Variants in TRIOBP observed in about 807,000 individuals in gnomAD.
TRIOBP encodes TRIO and F-actin-binding protein.
A neutral mutation model predicts 238.8 loss-of-function variants in TRIOBP; 169 were observed. The ratio of observed to expected loss-of-function variants is 0.71; its 90% CI spans 0.62 to 0.80. TRIOBP has a LOEUF of 0.80. Among genes scored for constraint, TRIOBP ranks in the 30% least tolerant of loss-of-function variants. The pLI is 0.00. For missense variants in TRIOBP, 2,838 were observed against 3,122.6 expected (o/e 0.91, Z 2.17); for synonymous variants, 1,150 against 1,274.4 (o/e 0.90, Z 2.08).
At chr22:37,759,487 C>G in intron 17 of TRIOBP, 1 of 1,601,754 alleles carries the variant, frequency 6.2e-7, no homozygotes, top group Non-Finnish European at 8.5e-7. Flanking sequence ...TGTGACTTGC[C>G]CAAGGTCACC....
intron 11 of TRIOBP, among the ~76,000 whole-genome samples, chr22:37,749,438 C>T (rs555862331): frequency 6.6e-6 from 1 of 152,074 alleles, no homozygotes; most frequent in African/African-American, 2.4e-5. Context: ...CCCGCCAGCC[C>T]GAGGGTGTGT....
Position 37,733,399 on chromosome 22 carries a change from C to A in TRIOBP, c.4049C>A (p.Ala1350Asp). 6.4e-7 allele frequency: 1 copy of A among 1,550,606 alleles called. No homozygotes were observed. The highest frequency in any genetic ancestry group is 1.2e-5 in the South Asian group (1 of 84,080). Residue 1350 changes from alanine (A) to aspartate (D), a missense_variant, in exon 8 of 24, where the codon GCC (alanine) becomes GAC (aspartate). This residue lies in a region of TRIOBP where 2,096 missense variants were observed against 2,137.4 expected (regional missense o/e 0.98). Transcript: ENST00000644935. ...CTTCTCCGAAGACAGTCCAGCCCTG[C>A]CCCCAGCAGGCAGGTGAGCACTGCC... The part of the protein sequence containing the change: ...SQLLRRQSSP[A>D]PSRQVTMLPA...
At chr22:37,706,821 T>C (rs1922965400) in intron 3 of TRIOBP, among the ~76,000 whole-genome samples, 1 of 151,862 alleles carries the variant, frequency 6.6e-6, no homozygotes, top group Non-Finnish European at 1.5e-5. Flanking sequence ...TCCTCCACTT[T>C]CTTGAGCTTC....
At chr22:37,745,986 G>A (rs1440505925) in intron 11 of TRIOBP, among the ~76,000 whole-genome samples, 2 of 149,028 alleles carry the variant, frequency 1.3e-5, no homozygotes, top group Non-Finnish European at 3.0e-5. Context: ...CCCGCGGCCC[G>A]GGCCCGCCCG....
intron 13 of TRIOBP, 44 bp downstream of exon 13, chr22:37,755,028 G>A: frequency 1.9e-6 from 3 of 1,611,768 alleles, no homozygotes; most frequent in Non-Finnish European, 2.5e-6. Context: ...AGGGCCTGGG[G>A]TGGCCTGGCT....
intron 21 of TRIOBP, among the ~76,000 whole-genome samples, chr22:37,769,602 A>G (rs1440942246): frequency 2.6e-5 from 4 of 151,962 alleles, no homozygotes; most frequent in African/African-American, 9.7e-5. Flanking sequence ...AAATCACTCC[A>G]CTTTTCTGAG....
At position 37,726,631 on chromosome 22, in the gene TRIOBP, C is replaced by T. The variant is rs988564727; in HGVS notation, c.3947+128C>T. Reference sequence around the variant, plus strand: ...GCTTGCCATTTACCGGCTGTGTGACCTTGGGCAAATCGCTCCATTTCTCTG... The same window carrying T: ...GCTTGCCATTTACCGGCTGTGTGACTTTGGGCAAATCGCTCCATTTCTCTG... On this transcript the variant is annotated intron_variant, in intron 7 of 23. Coordinates refer to ENST00000644935, the MANE Select transcript of TRIOBP (RefSeq NM_001039141.3). The T allele has an allele frequency of 6.0e-6, 6 of 1,004,392 alleles. No individual in the cohort carries two copies. The East Asian group carries it at 1.5e-4, about 25-fold the overall frequency. The allele number at this position is 1,004,392 out of a possible 1,614,324, so 62.2% of individuals were successfully genotyped here.
chr22:37,746,020 C>T (rs1925214389), intron 11 of TRIOBP, among the ~76,000 whole-genome samples: 1 of 138,662 alleles, frequency 7.2e-6, no homozygotes, highest in Admixed American at 7.2e-5. Context: ...ACCGCCCTCC[C>T]TTCCCTGCGG....
At chr22:37,744,508 A>T (rs1261623190) in intron 11 of TRIOBP, among the ~76,000 whole-genome samples, 13 of 152,162 alleles carry the variant, frequency 8.5e-5, no homozygotes, top group Non-Finnish European at 7.4e-5. Flanking sequence ...AACTTTGAGC[A>T]GGGAAGTGGT....
chr22:37,711,596 CA>C (rs1344830476), intron 4 of TRIOBP, among the ~76,000 whole-genome samples: 98 of 10,512 alleles, frequency 9.3e-3, no homozygotes, highest in Non-Finnish European at 0.028. Flanking sequence ...AAAAAAACAA[CA>C]AAAAAAAAAA....
intron 7 of TRIOBP, among the ~76,000 whole-genome samples, chr22:37,729,837 A>G (rs768304603): frequency 4.6e-5 from 7 of 152,196 alleles, no homozygotes; most frequent in Admixed American, 6.5e-5. Context: ...TCATCCTCTG[A>G]ATATGGAAAA....
At chr22:37,769,828 A>G (rs1926678648) in intron 21 of TRIOBP, among the ~76,000 whole-genome samples, 1 of 151,896 alleles carries the variant, frequency 6.6e-6, no homozygotes, top group Admixed American at 6.6e-5. Flanking sequence ...TCCCTGGTTC[A>G]AGCGATTCTC....
intron 5 of TRIOBP, 63 bp from the exon 6 acceptor site, chr22:37,715,700 G>C: frequency 6.4e-7 from 1 of 1,564,454 alleles, no homozygotes; most frequent in Non-Finnish European, 8.7e-7. Context: ...CTCATTTGGA[G>C]AGTATATGTC....
intron 11 of TRIOBP, among the ~76,000 whole-genome samples, chr22:37,748,156 T>C (rs775403491): frequency 4.2e-4 from 64 of 152,104 alleles, no homozygotes; most frequent in Non-Finnish European, 4.3e-4. Flanking sequence ...ACAGGGGCAA[T>C]AGAGAGCCAT....
At chr22:37,733,488 G>A (rs1924522332) in intron 8 of TRIOBP, 76 bp downstream of exon 8, 2 of 1,185,830 alleles carry the variant, frequency 1.7e-6, no homozygotes, top group Non-Finnish European at 2.5e-6. Context: ...TAGAAGCCAG[G>A]CAGGGGGCTT....
chr22:37,738,764 G>T, intron 10 of TRIOBP, 45 bp downstream of exon 10: 1 of 1,600,670 alleles, frequency 6.2e-7, no homozygotes, highest in South Asian at 1.1e-5. Context: ...GGAAGGGAGG[G>T]GGAAGCAGGT....
chr22:37,753,916 G>C (rs1322399285), intron 12 of TRIOBP, among the ~76,000 whole-genome samples: 3 of 152,196 alleles, frequency 2.0e-5, no homozygotes, highest in Non-Finnish European at 4.4e-5. Flanking sequence ...GGAGTGACCA[G>C]AAGCCCAGAG....
intron 17 of TRIOBP, among the ~76,000 whole-genome samples, chr22:37,764,779 G>T (rs1926402035): frequency 6.6e-6 from 1 of 152,190 alleles, no homozygotes; most frequent in Non-Finnish European, 1.5e-5. Context: ...ATCAGTTTCA[G>T]CTCATTTACT....
At position 37,776,033 on chromosome 22, in the gene TRIOBP, GT is replaced by G. The variant is rs2145889334; in HGVS notation, c.*2254del. The G allele has an allele frequency of 6.6e-6, 1 of 152,302 alleles. No homozygotes were observed. The highest frequency in any genetic ancestry group is 2.1e-4 in the South Asian group (1 of 4,812). 9.4% of individuals were successfully genotyped at this position (152,302 alleles called of 1,614,324 possible). A position where few individuals can be genotyped will look rare whatever the true frequency, so the allele number is the denominator to read the frequency against. On this transcript the variant is annotated 3_prime_UTR_variant, in exon 24 of 24. Coordinates refer to ENST00000644935, the MANE Select transcript of TRIOBP (RefSeq NM_001039141.3). ...TGCCGTCCATCCTCACCATCCCACC[GT>G]CCCCCCAAGACAGCTCTCCATCCCA...
Sources: allele counts gnomAD v4.1 joint callset (sites outside exome capture counted in the v4.1 genomes callset), GRCh38; gene constraint gnomAD v4.1.1; regional missense constraint gnomAD v4.1.1; transcripts MANE v1.5; gene names NCBI Gene and HGNC (gene_info 2026-07-23, HGNC 2026-07-21).